Variants in ZFHX3 observed in about 807,000 individuals in gnomAD.
The protein encoded by ZFHX3 is zinc finger homeobox 3, also known as zinc finger homeobox protein 3.
A neutral mutation model predicts 279.1 loss-of-function variants in ZFHX3; 42 were observed. The observed-to-expected ratio is 0.15, with a 90% CI of 0.12 to 0.19. The LOEUF (loss-of-function observed/expected upper bound fraction) is 0.19. Ranked by LOEUF, ZFHX3 falls within the 10% of genes least tolerant of loss-of-function variation. The pLI, the probability that ZFHX3 is intolerant of heterozygous loss-of-function variation, is 1.00. For synonymous variants in ZFHX3, 2,293 were observed against 1,957.8 expected (o/e 1.17, Z -4.52); for missense variants, 4,981 against 4,754.0 (o/e 1.05, Z -1.40).
At chr16:72,856,531 A>C (rs1272294572) in intron 4 of ZFHX3, among the ~76,000 whole-genome samples, 1 of 152,202 alleles carries the variant, frequency 6.6e-6, no homozygotes, top group Non-Finnish European at 1.5e-5. Context: ...AGGAGAAGAA[A>C]GCAATCTACT....
At chr16:73,385,260 T>C (rs1193433058) in intron 3 of ZFHX3, among the ~76,000 whole-genome samples, 1 of 152,138 alleles carries the variant, frequency 6.6e-6, no homozygotes, top group African/African-American at 2.4e-5. Context: ...CCAATTTTTG[T>C]GCTTTGCAAT....
intron 5 of ZFHX3, among the ~76,000 whole-genome samples, chr16:73,252,955 A>G (rs1299184941): frequency 6.6e-6 from 1 of 152,220 alleles, no homozygotes; most frequent in Non-Finnish European, 1.5e-5. Flanking sequence ...CAGCAGAGAA[A>G]GCAGAGCAGG....
At position 72,795,299 on chromosome 16, in the gene ZFHX3, C is replaced by T; in HGVS notation, c.7383G>A (p.Glu2461=). 6.2e-7 allele frequency: 1 copy of T among 1,613,906 alleles called. No homozygotes were observed. Among genetic ancestry groups the T allele is most frequent in the South Asian group, 1.1e-5 (1 of 91,078 alleles). Reference sequence around the variant, plus strand: ...TCTGCTGGGGAGTGTTGGTCTTCTGCTCGGGCTGCTCTTGCTGCTGCAGCT... The same window carrying T: ...TCTGCTGGGGAGTGTTGGTCTTCTGTTCGGGCTGCTCTTGCTGCTGCAGCT... ...KPELQQQEQP[E]QKTNTPQQKL... Residue 2461 remains glutamate (E), a synonymous_variant, in exon 9 of 10, where the codon GAG becomes GAA. Coordinates refer to ENST00000268489, the MANE Select transcript of ZFHX3 (RefSeq NM_006885.4).
In ZFHX3 at chr16:73,791,678, C is replaced by T. The variant is rs191496028; in HGVS notation, c.-1608+99973G>A. Among the ~76,000 whole-genome samples, 879 of 152,256 alleles carry T rather than the reference C, an allele frequency of 5.8e-3. 10 individuals are homozygous for T. Among genetic ancestry groups the T allele is most frequent in the African/African-American group, 0.02 (844 of 41,544 alleles). Reference sequence around the variant, plus strand: ...GACCTCGTGTTCCGTCCACCTCGGCCTCCCAAAGTGCTGGGATTACAGGCG... The same window carrying T: ...GACCTCGTGTTCCGTCCACCTCGGCTTCCCAAAGTGCTGGGATTACAGGCG... On this transcript the variant is annotated intron_variant, in intron 1 of 17. Transcript: ENST00000641206.
chr16:73,343,715 T>C (rs1436530882), intron 3 of ZFHX3, among the ~76,000 whole-genome samples: 1 of 152,046 alleles, frequency 6.6e-6, no homozygotes, highest in Non-Finnish European at 1.5e-5. Context: ...TGAGATCCCA[T>C]CTCTAAAGCA....
At chr16:72,994,552 G>A (rs1567623517) in intron 1 of ZFHX3, among the ~76,000 whole-genome samples, 1 of 152,214 alleles carries the variant, frequency 6.6e-6, no homozygotes, top group Non-Finnish European at 1.5e-5. Context: ...CCTGGCTATG[G>A]CAGCCTATCC....
chr16:73,540,961 AAT>A (rs1442034458), intron 2 of ZFHX3, among the ~76,000 whole-genome samples: 9 of 152,094 alleles, frequency 5.9e-5, no homozygotes, highest in African/African-American at 1.9e-4. Context: ...GCTCTTTTAG[AAT>A]AGATGGTAGG....
chr16:73,032,543 T>C (rs565418471), intron 1 of ZFHX3, among the ~76,000 whole-genome samples: 1 of 152,286 alleles, frequency 6.6e-6, no homozygotes, highest in South Asian at 2.1e-4. Context: ...AGAAAACTTC[T>C]CTTCGTCCCC....
At chr16:73,615,010 T>C (rs565834265) in intron 2 of ZFHX3, among the ~76,000 whole-genome samples, 1 of 152,070 alleles carries the variant, frequency 6.6e-6, no homozygotes, top group Non-Finnish European at 1.5e-5. Flanking sequence ...TGCACCCACG[T>C]CGGCCTCCCA....
chr16:73,033,509 T>TG (rs1964784847), intron 1 of ZFHX3, among the ~76,000 whole-genome samples: 1 of 151,314 alleles, frequency 6.6e-6, no homozygotes, highest in African/African-American at 2.4e-5. Context: ...TCAACTTGAC[T>TG]GGGGGGAAAG....
Position 73,594,623 on chromosome 16 carries a change from G to A in ZFHX3, c.-1547+85557C>T, listed in dbSNP as rs192849791. Among the ~76,000 whole-genome samples the A allele has an allele frequency of 2.2e-3, 338 of 152,290 alleles. 4 individuals carry two copies. Among genetic ancestry groups the A allele is most frequent in the Non-Finnish European group, 1.4e-3 (97 of 68,032 alleles). On this transcript the variant is annotated intron_variant, in intron 2 of 17. Coordinates refer to the ZFHX3 transcript ENST00000641206. ...GAATAGAGTCTAGAGGTGGAGTTGG[G>A]AATATAGAGCTCTAGATAGGTAACA...
intron 5 of ZFHX3, among the ~76,000 whole-genome samples, chr16:73,247,027 T>C (rs1157467684): frequency 6.6e-6 from 1 of 152,200 alleles, no homozygotes; most frequent in Non-Finnish European, 1.5e-5. Context: ...CGTGTGTGTA[T>C]ATAATGTGCA....
At chr16:73,823,536 G>A (rs1056313585) in intron 1 of ZFHX3, among the ~76,000 whole-genome samples, 3 of 152,194 alleles carry the variant, frequency 2.0e-5, no homozygotes, top group African/African-American at 7.2e-5. Context: ...TCTAGAATAG[G>A]GGTTGACCAA....
chr16:73,766,514 G>A lies in ZFHX3; in HGVS notation c.-1607-86274C>T, dbSNP rs569995433. Among the ~76,000 whole-genome samples the A allele has an allele frequency of 2.6e-5, 4 of 152,278 alleles. No individual in the cohort carries two copies. The South Asian group carries it at 8.3e-4, about 32-fold the overall frequency. ...CTTTGCCAATATCACTTGTGCATCT[G>A]GGGCCACCAATGCATCCTATCCTAG... On this transcript the variant is annotated intron_variant, in intron 1 of 17. Coordinates refer to the ZFHX3 transcript ENST00000641206.
At chr16:73,028,248 T>C (rs915482296) in intron 1 of ZFHX3, among the ~76,000 whole-genome samples, 1 of 152,198 alleles carries the variant, frequency 6.6e-6, no homozygotes, top group Non-Finnish European at 1.5e-5. Flanking sequence ...TCAGACCTCC[T>C]ATTTAGAGAA....
At chr16:73,864,777 G>T (rs1961969421) in intron 1 of ZFHX3, among the ~76,000 whole-genome samples, 2 of 138,084 alleles carry the variant, frequency 1.4e-5, no homozygotes, top group South Asian at 2.3e-4. Context: ...ACATAGCCTG[G>T]CAGGGGAGCC....
chr16:73,652,807 T>A (rs918846551), intron 2 of ZFHX3, among the ~76,000 whole-genome samples: 5 of 152,106 alleles, frequency 3.3e-5, no homozygotes, highest in African/African-American at 1.2e-4. Context: ...TATTTCCATA[T>A]GAATACAAAA....
intron 2 of ZFHX3, among the ~76,000 whole-genome samples, chr16:73,532,156 G>A (rs563710996): frequency 7.5e-4 from 114 of 152,146 alleles, no homozygotes; most frequent in African/African-American, 2.0e-3. Context: ...GTTTGTCTGC[G>A]TCCCCACCCA....
At chr16:73,633,955 G>C (rs1346617338) in intron 2 of ZFHX3, among the ~76,000 whole-genome samples, 1 of 151,462 alleles carries the variant, frequency 6.6e-6, no homozygotes, top group African/African-American at 2.4e-5. Context: ...ATTTCTAATA[G>C]TAAAATATTT....
Sources: gnomAD v4.1 joint callset for allele counts (sites outside exome capture counted in the v4.1 genomes callset) on GRCh38, gnomAD v4.1.1 for gene constraint, MANE v1.5 for transcripts, NCBI Gene and HGNC (gene_info 2026-07-23, HGNC 2026-07-21) for gene names.